RASAL2: variants seen among roughly 807,000 people sequenced by gnomAD.
RASAL2 encodes the protein ras GTPase-activating protein nGAP.
A neutral mutation model predicts 128.9 loss-of-function variants in RASAL2; 58 were observed. The observed-to-expected ratio is 0.45, with a 90% CI of 0.36 to 0.56. The LOEUF (loss-of-function observed/expected upper bound fraction) is 0.56, where lower values mean the gene tolerates loss of function less well. RASAL2 is among the 20% of genes least tolerant of loss of function. RASAL2 has a pLI of 0.00. For synonymous variants in RASAL2, 561 were observed against 580.8 expected (o/e 0.97, Z 0.49); for missense variants, 1,360 against 1,601.6 (o/e 0.85, Z 2.57).
chr1:178,183,427 C>A (rs1452678097), intron 1 of RASAL2, among the ~76,000 whole-genome samples: 1 of 152,130 alleles, frequency 6.6e-6, no homozygotes, highest in African/African-American at 2.4e-5. Context: ...ATTACTGTAT[C>A]ATAGGGAATA....
chr1:178,425,906 A>G (rs1429871711), intron 5 of RASAL2, among the ~76,000 whole-genome samples: 2 of 152,304 alleles, frequency 1.3e-5, no homozygotes, highest in East Asian at 1.9e-4. Context: ...TCTTAAGGAA[A>G]GAGAGAGGGA....
chr1:178,118,531 T>G (rs1306100772), intron 1 of RASAL2, among the ~76,000 whole-genome samples: 1 of 152,190 alleles, frequency 6.6e-6, no homozygotes, highest in East Asian at 1.9e-4. Flanking sequence ...TTCACCTGGC[T>G]TAGTCACAAA....
chr1:178,465,057 T>C (rs1647537821), intron 15 of RASAL2, among the ~76,000 whole-genome samples: 1 of 152,114 alleles, frequency 6.6e-6, no homozygotes, highest in African/African-American at 2.4e-5. Flanking sequence ...ATCAGCATGA[T>C]ATTCCAGTGT....
chr1:178,369,689 A>G (rs1671596319), intron 3 of RASAL2, among the ~76,000 whole-genome samples: 2 of 152,206 alleles, frequency 1.3e-5, no homozygotes, highest in African/African-American at 4.8e-5. Flanking sequence ...GACCAATGGT[A>G]TGAATCCTTA....
At chr1:178,420,975 C>T (rs947699647) in intron 5 of RASAL2, among the ~76,000 whole-genome samples, 2 of 152,104 alleles carry the variant, frequency 1.3e-5, no homozygotes, top group Admixed American at 6.6e-5. Context: ...TTAGCACTGT[C>T]GCAGGATGCT....
intron 3 of RASAL2, among the ~76,000 whole-genome samples, chr1:178,321,988 C>CAA (rs780276705): frequency 5.3e-5 from 7 of 132,422 alleles, no homozygotes; most frequent in African/African-American, 1.9e-4. Context: ...AACTCCATCT[C>CAA]AAAAAAAAAA....
chr1:178,396,966 T>C (rs1033033295), intron 4 of RASAL2, among the ~76,000 whole-genome samples: 1 of 152,090 alleles, frequency 6.6e-6, no homozygotes, highest in African/African-American at 2.4e-5. Flanking sequence ...GAAATACCAC[T>C]TGATGCCCAC....
chr1:178,197,611 GAAAAAAAA>G (rs57628750), intron 1 of RASAL2, among the ~76,000 whole-genome samples: 4 of 94,252 alleles, frequency 4.2e-5, no homozygotes, highest in Admixed American at 1.2e-4. Flanking sequence ...TCCATCTGGG[GAAAAAAAA>G]AAAAAAAAAA....
intron 1 of RASAL2, among the ~76,000 whole-genome samples, chr1:178,238,382 A>G (rs1208450790): frequency 6.6e-6 from 1 of 152,142 alleles, no homozygotes; most frequent in Non-Finnish European, 1.5e-5. Flanking sequence ...AACATTCATG[A>G]ACAAATTTTT....
intron 5 of RASAL2, among the ~76,000 whole-genome samples, chr1:178,426,425 G>A (rs965589536): frequency 2.6e-5 from 4 of 152,212 alleles, no homozygotes; most frequent in East Asian, 1.9e-4. Context: ...GCAGTCAGCC[G>A]TGATCGTGCC....
rs998499994 is a variant in RASAL2 at position 178,185,738 on chromosome 1, C to T, written c.202+91044C>T. On this transcript the variant is annotated intron_variant, in intron 1 of 17. Transcript: ENST00000367649. ...CCAGCCTTGCACACCTAGAATCTCA[C>T]TTGGTTATGTTATATAATTCTTCCT... Among the ~76,000 whole-genome samples, 3 of 151,978 alleles carry T rather than the reference C, an allele frequency of 2.0e-5. 1 individual carries two copies. Among genetic ancestry groups the T allele is most frequent in the South Asian group, 4.1e-4 (2 of 4,828 alleles).
intron 1 of RASAL2, among the ~76,000 whole-genome samples, chr1:178,250,144 G>A (rs1351530639): frequency 6.6e-6 from 1 of 152,150 alleles, no homozygotes; most frequent in African/African-American, 2.4e-5. Flanking sequence ...CTAGTAAGCT[G>A]GAACGTTTAT....
In RASAL2 at chr1:178,395,797, T is replaced by A. The variant is rs546547577; in HGVS notation, c.564+5591T>A. ...TATATATATATATATATATATTTAT[T>A]TATTCATATGTGTATGAATGTATAG... On this transcript the variant is annotated intron_variant, in intron 4 of 17. Coordinates refer to ENST00000367649, the MANE Select transcript of RASAL2 (RefSeq NM_170692.4). 4.5e-3 allele frequency among the ~76,000 whole-genome samples: 564 copies of A among 124,522 alleles called. 9 individuals are homozygous for A. Among genetic ancestry groups the A allele is most frequent in the African/African-American group, 0.023 (516 of 22,146 alleles). 81.7% of individuals were successfully genotyped at this position (124,522 alleles called of 152,430 possible).
At chr1:178,375,579 C>T (rs1392263013) in intron 3 of RASAL2, among the ~76,000 whole-genome samples, 1 of 152,148 alleles carries the variant, frequency 6.6e-6, no homozygotes, top group African/African-American at 2.4e-5. Context: ...AATGCCTCCA[C>T]AAGGAGGGCT....
intron 5 of RASAL2, among the ~76,000 whole-genome samples, chr1:178,427,108 A>G (rs1311104814): frequency 6.6e-6 from 1 of 152,182 alleles, no homozygotes; most frequent in Non-Finnish European, 1.5e-5. Context: ...ATCTAATCAG[A>G]TAAAAGCCAG....
At chr1:178,173,837 A>G in intron 1 of RASAL2, among the ~76,000 whole-genome samples, 1 of 151,966 alleles carries the variant, frequency 6.6e-6, no homozygotes. Context: ...ATCCTTTCAC[A>G]TGACAAGAGA....
At chr1:178,412,392 T>C (rs1350287672) in intron 4 of RASAL2, among the ~76,000 whole-genome samples, 2 of 152,218 alleles carry the variant, frequency 1.3e-5, no homozygotes, top group African/African-American at 4.8e-5. Context: ...AGCTACCTCT[T>C]CCTGGGTACC....
intron 3 of RASAL2, among the ~76,000 whole-genome samples, chr1:178,373,165 T>G (rs1671803949): frequency 6.6e-6 from 1 of 151,948 alleles, no homozygotes; most frequent in Admixed American, 6.6e-5. Flanking sequence ...CTATGGATAG[T>G]CTTCTGCCAG....
intron 2 of RASAL2, among the ~76,000 whole-genome samples, chr1:178,297,202 G>A (rs1216099353): frequency 2.0e-5 from 3 of 152,032 alleles, no homozygotes; most frequent in African/African-American, 7.2e-5. Flanking sequence ...GATTCTCTTA[G>A]CTATATGCTA....
Sources: allele counts gnomAD v4.1 joint callset (sites outside exome capture counted in the v4.1 genomes callset), GRCh38; gene constraint gnomAD v4.1.1; transcripts MANE v1.5; gene names NCBI Gene and HGNC (gene_info 2026-07-23, HGNC 2026-07-21).